The following SHROOM4 variants were observed in gnomAD, a reference collection of about 807,000 sequenced individuals.
SHROOM4 encodes the protein protein Shroom4.
SHROOM4 carries 17 observed loss-of-function variants against 80.3 expected under a neutral mutation model. That is an observed-to-expected ratio of 0.21 (90% CI 0.14 to 0.32). SHROOM4 has a LOEUF of 0.32. SHROOM4 is among the 10% of genes least tolerant of loss of function. The probability of loss-of-function intolerance (pLI) is 1.00; values close to 1 mark genes in which losing one functional copy is unlikely to be tolerated. For synonymous variants in SHROOM4, 400 were observed against 437.5 expected (o/e 0.91, Z 1.07); for missense variants, 993 against 1,140.3 (o/e 0.87, Z 1.86).
chrX:50,583,236 T>C (rs1928696220), downstream of SHROOM4, among the ~76,000 whole-genome samples: 1 of 110,720 alleles, frequency 9.0e-6, no homozygotes, highest in Non-Finnish European at 1.9e-5. Context: ...GTAGACTGTA[T>C]TATTTGTTAA....
At position 50,814,137 on chromosome X, in the gene SHROOM4, C is replaced by A; in HGVS notation, c.-119G>T. ...TACGCCACCCCGCACCGCCCTGCTC[C>A]GCCTACTCTCCCGGCTGGAGACGCT... On this transcript the variant is annotated 5_prime_UTR_variant, in exon 1 of 9. Transcript: ENST00000376020. 1 of 518,430 alleles carries A rather than the reference C, an allele frequency of 1.9e-6. No individual in the cohort carries two copies. Among genetic ancestry groups the A allele is most frequent in the South Asian group, 2.7e-5 (1 of 36,850 alleles). The allele number at this position is 518,430 out of a possible 1,213,427, so 42.7% of individuals were successfully genotyped here. A position where few individuals can be genotyped will look rare whatever the true frequency, so the allele number is the denominator to read the frequency against.
intron 2 of SHROOM4, among the ~76,000 whole-genome samples, chrX:50,688,304 G>A (rs1338677396): frequency 2.7e-5 from 3 of 110,947 alleles, no homozygotes; most frequent in East Asian, 2.8e-4. Context: ...ATCTATTGCA[G>A]CAGTATCCAG....
chrX:50,626,337 T>A (rs934749130), intron 5 of SHROOM4, among the ~76,000 whole-genome samples: 4 of 112,254 alleles, frequency 3.6e-5, no homozygotes, highest in Non-Finnish European at 5.6e-5. Context: ...CCTTACCAGG[T>A]GCCAGGTGCT....
chrX:50,788,500 G>C (rs1398143632), intron 1 of SHROOM4, among the ~76,000 whole-genome samples: 1 of 110,010 alleles, frequency 9.1e-6, no homozygotes, highest in Non-Finnish European at 1.9e-5. Flanking sequence ...CCAGCTACTC[G>C]GAGAGGCTGA....
rs1171567352 is a variant in SHROOM4, at chrX:50,607,322, A to G, written c.3761+59T>C. 4 of 1,171,385 alleles carry G rather than the reference A, an allele frequency of 3.4e-6. No homozygotes were observed. In the Admixed American group the frequency reaches 6.8e-5, roughly 20 times the overall value. On this transcript the variant is annotated intron_variant, in intron 6 of 8. Transcript: ENST00000376020. Reference sequence around the variant, plus strand: ...ATCCAGTTAGTAAATAGTGGAGGTAAAATTCAAACTTGTGCTGCCTGCCTC... The same window carrying G: ...ATCCAGTTAGTAAATAGTGGAGGTAGAATTCAAACTTGTGCTGCCTGCCTC...
At chrX:50,605,326 C>A (rs1484957586) in intron 6 of SHROOM4, among the ~76,000 whole-genome samples, 1 of 112,063 alleles carries the variant, frequency 8.9e-6, no homozygotes, top group Non-Finnish European at 1.9e-5. Context: ...ATGCAGGGCA[C>A]ATAGTAAGCA....
At chrX:50,694,024 G>A (rs905210808) in intron 2 of SHROOM4, among the ~76,000 whole-genome samples, 5 of 111,327 alleles carry the variant, frequency 4.5e-5, no homozygotes, top group African/African-American at 6.5e-5. Flanking sequence ...TTACATCTGC[G>A]TTGCTGTAAA....
chrX:50,734,886 A>T (rs1934449110), intron 1 of SHROOM4, among the ~76,000 whole-genome samples: 1 of 110,330 alleles, frequency 9.1e-6, no homozygotes, highest in South Asian at 3.9e-4. Flanking sequence ...CTTGGCTCTC[A>T]TTCTCTCTTG....
intron 2 of SHROOM4, among the ~76,000 whole-genome samples, chrX:50,639,173 C>T (rs782227403): frequency 8.9e-6 from 1 of 112,524 alleles, no homozygotes; most frequent in South Asian, 3.7e-4. Flanking sequence ...TGGCATACTT[C>T]GCATGAGCAG....
At chrX:50,687,708 G>A (rs2147434513) in intron 2 of SHROOM4, among the ~76,000 whole-genome samples, 1 of 111,103 alleles carries the variant, frequency 9.0e-6, no homozygotes, top group Admixed American at 9.6e-5. Context: ...TAGATACCAG[G>A]TTCATATAAT....
rs782315929 is a variant in SHROOM4 at position 50,592,170 on chromosome X, G to A, written c.*4525C>T. ...CTGGGATAAGGAAAAAATGAATTGA[G>A]TAGATCAGGACTATAATAATGGTTA... On this transcript the variant is annotated 3_prime_UTR_variant, in exon 9 of 9. Transcript: ENST00000376020. 2 of 329,407 alleles carry A rather than the reference G, an allele frequency of 6.1e-6. No homozygotes were observed. The highest frequency in any genetic ancestry group is 5.2e-5 in the South Asian group (2 of 38,491). The allele number at this position is 329,407 out of a possible 1,213,427, so 27.1% of individuals were successfully genotyped here. A position where few individuals can be genotyped will look rare whatever the true frequency, so the allele number is the denominator to read the frequency against.
At chrX:50,643,359 G>A (rs1398308573) in intron 2 of SHROOM4, 2 of 111,415 alleles carry the variant, frequency 1.8e-5, no homozygotes, top group East Asian at 5.7e-4. Context: ...CGGGGTATCC[G>A]GCTAGCTCAG....
chrX:50,681,298 T>C (rs1932937200), intron 2 of SHROOM4, among the ~76,000 whole-genome samples: 1 of 111,452 alleles, frequency 9.0e-6, no homozygotes. Context: ...GCAAATAGAA[T>C]ACATTTGTAC....
At chrX:50,687,658 T>C (rs1933110424) in intron 2 of SHROOM4, among the ~76,000 whole-genome samples, 1 of 111,282 alleles carries the variant, frequency 9.0e-6, no homozygotes, top group Non-Finnish European at 1.9e-5. Flanking sequence ...CTCAAAGATA[T>C]GGCAGTTCCT....
At chrX:50,628,670 G>A (rs782554338) in intron 4 of SHROOM4, among the ~76,000 whole-genome samples, 8 of 111,706 alleles carry the variant, frequency 7.2e-5, no homozygotes, top group Admixed American at 2.8e-4. Context: ...GATCCTTGGC[G>A]CAGTCTCACT....
intron 1 of SHROOM4, among the ~76,000 whole-genome samples, chrX:50,698,223 C>T (rs1242912510): frequency 8.9e-6 from 1 of 111,996 alleles, no homozygotes; most frequent in Non-Finnish European, 1.9e-5. Context: ...ATTGCTGTAG[C>T]AAAAGCTCAG....
chrX:50,753,291 C>G (rs782682327), intron 1 of SHROOM4, among the ~76,000 whole-genome samples: 2 of 112,113 alleles, frequency 1.8e-5, no homozygotes, highest in Non-Finnish European at 3.8e-5. Flanking sequence ...TCTCCCAAAT[C>G]CAGTGGAGGA....
intron 1 of SHROOM4, 70 bp downstream of exon 1, chrX:50,813,832 G>C (rs1434538608): frequency 3.8e-5 from 33 of 862,566 alleles, no homozygotes; most frequent in Middle Eastern, 2.9e-4. Flanking sequence ...GCCCCGTCCA[G>C]CGGCAGCCTT....
At chrX:50,765,693 C>T (rs1220206088) in intron 1 of SHROOM4, among the ~76,000 whole-genome samples, 2 of 112,047 alleles carry the variant, frequency 1.8e-5, no homozygotes, top group African/African-American at 6.5e-5. Flanking sequence ...ATGGTGCACA[C>T]ATCTACCTCA....
Sources: gnomAD v4.1 joint callset for allele counts (sites outside exome capture counted in the v4.1 genomes callset) on GRCh38, gnomAD v4.1.1 for gene constraint, MANE v1.5 for transcripts, NCBI Gene and HGNC (gene_info 2026-07-23, HGNC 2026-07-21) for gene names.